CSNK2A2IP: variants seen among roughly 807,000 people sequenced by gnomAD.
The protein encoded by CSNK2A2IP is casein kinase II subunit alpha'-interacting protein.
chr3:88,354,215 T>C, the CSNK2A2IP span, among the ~76,000 whole-genome samples: 1 of 152,198 alleles, frequency 6.6e-6, no homozygotes, highest in African/African-American at 2.4e-5. Context: ...TCTTTATAAA[T>C]ACCCAGCCTT....
At chr3:88,410,114 T>G in the CSNK2A2IP span, among the ~76,000 whole-genome samples, 1 of 151,964 alleles carries the variant, frequency 6.6e-6, no homozygotes, top group African/African-American at 2.4e-5. Context: ...ACAAAATGAC[T>G]AAAAACATAT....
At chr3:88,405,145 G>T in the CSNK2A2IP span, among the ~76,000 whole-genome samples, 6 of 152,078 alleles carry the variant, frequency 3.9e-5, no homozygotes, top group African/African-American at 1.2e-4. Flanking sequence ...TGCCCATGCT[G>T]TATTTGGAGT....
chr3:88,454,845 A>G, the CSNK2A2IP span, among the ~76,000 whole-genome samples: 3 of 151,840 alleles, frequency 2.0e-5, no homozygotes, highest in Non-Finnish European at 4.4e-5. Flanking sequence ...TATACGGTGC[A>G]TTATTATTAA....
At chr3:88,418,032 G>C in the CSNK2A2IP span, among the ~76,000 whole-genome samples, 1 of 152,150 alleles carries the variant, frequency 6.6e-6, no homozygotes, top group African/African-American at 2.4e-5. Flanking sequence ...TATGATTTGA[G>C]TAATGGTAAA....
the CSNK2A2IP span, among the ~76,000 whole-genome samples, chr3:88,385,720 G>T: frequency 2.0e-5 from 3 of 152,184 alleles, no homozygotes; most frequent in Non-Finnish European, 4.4e-5. Context: ...GATGAGAGCC[G>T]TTGAAATCTG....
chr3:88,464,794 C>G, the CSNK2A2IP span, among the ~76,000 whole-genome samples: 6 of 152,112 alleles, frequency 3.9e-5, no homozygotes, highest in Admixed American at 3.3e-4. Context: ...GTGATAACTA[C>G]TGCATTTTAT....
the CSNK2A2IP span, chr3:88,466,007 A>T: frequency 8.1e-7 from 1 of 1,231,550 alleles, no homozygotes; most frequent in African/African-American, 1.6e-5. Flanking sequence ...ACATTGCTTC[A>T]ATCCAAACCT....
At chr3:88,431,355 A>G in the CSNK2A2IP span, 1 of 152,244 alleles carries the variant, frequency 6.6e-6, no homozygotes, top group African/African-American at 2.4e-5. Context: ...TAACTCAGGA[A>G]TGGAAAACCA....
chr3:88,340,963 T>G, the CSNK2A2IP span, among the ~76,000 whole-genome samples: 1 of 151,934 alleles, frequency 6.6e-6, no homozygotes, highest in Non-Finnish European at 1.5e-5. Context: ...TGAACAAATA[T>G]TATTTTATGT....
At chr3:88,416,221 C>T in the CSNK2A2IP span, among the ~76,000 whole-genome samples, 3 of 149,654 alleles carry the variant, frequency 2.0e-5, no homozygotes, top group East Asian at 2.0e-4. Flanking sequence ...TGCAGTGAGC[C>T]GAGATCGGCC....
At chr3:88,388,367 G>A in the CSNK2A2IP span, among the ~76,000 whole-genome samples, 1 of 152,066 alleles carries the variant, frequency 6.6e-6, no homozygotes, top group Non-Finnish European at 1.5e-5. Flanking sequence ...CATATTTCCA[G>A]TTTCTGCACA....
At chr3:88,466,348 A>T in the CSNK2A2IP span, 1 of 1,231,832 alleles carries the variant, frequency 8.1e-7, no homozygotes, top group Non-Finnish European at 1.0e-6. Flanking sequence ...GCTTGATTGT[A>T]ACTTCCAGAC....
chr3:88,353,939 G>T, the CSNK2A2IP span, among the ~76,000 whole-genome samples: 1 of 152,136 alleles, frequency 6.6e-6, no homozygotes. Context: ...GGAGGTGTTT[G>T]GGTCATGTGG....
the CSNK2A2IP span, among the ~76,000 whole-genome samples, chr3:88,438,724 G>A: frequency 6.6e-6 from 1 of 152,146 alleles, no homozygotes; most frequent in Non-Finnish European, 1.5e-5. Context: ...AAATCTAAGT[G>A]TAAAACTAGA....
the CSNK2A2IP span, among the ~76,000 whole-genome samples, chr3:88,422,739 A>G: frequency 6.6e-6 from 1 of 152,200 alleles, no homozygotes; most frequent in African/African-American, 2.4e-5. Flanking sequence ...TAGAAGCCCT[A>G]GTGAGCAGAG....
At chr3:88,407,527 T>G in the CSNK2A2IP span, among the ~76,000 whole-genome samples, 2 of 152,108 alleles carry the variant, frequency 1.3e-5, no homozygotes, top group Admixed American at 6.5e-5. Context: ...GGAATCATAG[T>G]CACTGCATCT....
chr3:88,465,446 A>G, the CSNK2A2IP span: 22 of 1,231,548 alleles, frequency 1.8e-5, no homozygotes, highest in Admixed American at 4.2e-5. Context: ...ACACATCAAC[A>G]TACAGGTGAA....
chr3:88,401,012 G>A, the CSNK2A2IP span, among the ~76,000 whole-genome samples: 1 of 152,074 alleles, frequency 6.6e-6, no homozygotes, highest in Non-Finnish European at 1.5e-5. Context: ...GTATAAATAG[G>A]TTGAGTTAGG....
chr3:88,462,177 CT>C, the CSNK2A2IP span, among the ~76,000 whole-genome samples: 6 of 146,602 alleles, frequency 4.1e-5, no homozygotes, highest in East Asian at 1.2e-3. Flanking sequence ...TGCCTTTATT[CT>C]TTCTAATATG....
Sources: gnomAD v4.1 joint callset for allele counts (sites outside exome capture counted in the v4.1 genomes callset) on GRCh38, gnomAD v4.1.1 for gene constraint, MANE v1.5 for transcripts, NCBI Gene and HGNC (gene_info 2026-07-23, HGNC 2026-07-21) for gene names.